The following DGCR2 variants were observed in gnomAD, a reference collection of about 807,000 sequenced individuals.
DGCR2 encodes the protein DiGeorge syndrome critical region gene 2, also known as integral membrane protein DGCR2/IDD.
In DGCR2, 24 loss-of-function variants were observed where a neutral mutation model predicts 51.6. That is an observed-to-expected ratio of 0.47 (90% CI 0.34 to 0.65). The LOEUF is 0.65. Among genes scored for constraint, DGCR2 ranks in the 30% least tolerant of loss-of-function variants. DGCR2 has a pLI of 0.01. For missense variants in DGCR2, 765 were observed against 772.1 expected (o/e 0.99, Z 0.11); for synonymous variants, 340 against 315.4 (o/e 1.08, Z -0.82).
intron 2 of DGCR2, among the ~76,000 whole-genome samples, chr22:19,074,412 G>GA (rs72460718): frequency 0.028 from 3,534 of 124,998 alleles, 68 homozygotes; most frequent in South Asian, 0.059. Flanking sequence ...AGAGCAAGAT[G>GA]AAAAAAAAAA....
intron 5 of DGCR2, among the ~76,000 whole-genome samples, chr22:19,062,256 T>C (rs1291653223): frequency 1.3e-5 from 2 of 152,204 alleles, no homozygotes; most frequent in Non-Finnish European, 2.9e-5. Flanking sequence ...GCATCTGTCC[T>C]GAGCAGGATC....
chr22:19,115,069 G>C (rs807740), intron 1 of DGCR2, among the ~76,000 whole-genome samples: 48,455 of 152,044 alleles, frequency 0.32, 8,709 homozygotes, highest in African/African-American at 0.49. Flanking sequence ...AACAGCTACC[G>C]CAGGCAGAGG....
At chr22:19,106,400 C>T (rs2083261790) in intron 1 of DGCR2, among the ~76,000 whole-genome samples, 2 of 152,172 alleles carry the variant, frequency 1.3e-5, no homozygotes, top group African/African-American at 2.4e-5. Context: ...TGCAGTTTGA[C>T]CTGCCACTGC....
intron 5 of DGCR2, among the ~76,000 whole-genome samples, chr22:19,062,156 T>A (rs1445633948): frequency 6.6e-6 from 1 of 152,200 alleles, no homozygotes; most frequent in Non-Finnish European, 1.5e-5. Context: ...GATTAGTCAA[T>A]AGCAATCTAA....
At chr22:19,051,188 CAAAAAAAA>C (rs61277487) in intron 6 of DGCR2, among the ~76,000 whole-genome samples, 3 of 54,850 alleles carry the variant, frequency 5.5e-5, no homozygotes, top group South Asian at 9.3e-4. Context: ...AATTCTGTCA[CAAAAAAAA>C]AAAAAAAAAA....
chr22:19,108,603 A>AAC (rs2083283883), intron 1 of DGCR2, among the ~76,000 whole-genome samples: 1 of 132,788 alleles, frequency 7.5e-6, no homozygotes. Flanking sequence ...AAAAAAAAAA[A>AAC]AGATGCACAG....
rs1359185993 is a variant in DGCR2 at position 19,048,485 on chromosome 22, G to A, written c.961C>T (p.Arg321Cys). 5.0e-6 allele frequency: 8 copies of A among 1,614,078 alleles called. No homozygotes were observed. The highest frequency in any genetic ancestry group is 6.8e-6 in the Non-Finnish European group (8 of 1,180,040). Residue 321 changes from arginine (R) to cysteine (C), a missense_variant, in exon 7 of 10, where the codon CGC becomes TGC. Transcript: ENST00000263196. ...CERPQGCQQY[R>C]KDPKECCKFM... is the part of the protein sequence containing the mutation. ...TTGCAGCACTCTTTGGGGTCCTTGC[G>A]GTACTGTTGGCAGCCCTGGGGCCTC...
chr22:19,041,377 G>GA lies in DGCR2; in HGVS notation c.1160-84_1160-83insT, dbSNP rs2082430162. ...TGGCTCCTGAGCCCCCCACCCCCAG[G>GA]CTGGGCCTGCCGTCCCTGAGTGCAC... On this transcript the variant is annotated intron_variant, in intron 8 of 9. Coordinates refer to ENST00000263196, the MANE Select transcript of DGCR2 (RefSeq NM_005137.3). 7.1e-6 allele frequency: 10 copies of GA among 1,407,856 alleles called. No individual in the cohort carries two copies. In the Admixed American group the frequency reaches 8.6e-5, roughly 12 times the overall value. The allele number at this position is 1,407,856 out of a possible 1,614,324, so 87.2% of individuals were successfully genotyped here.
intron 1 of DGCR2, among the ~76,000 whole-genome samples, chr22:19,105,093 C>T (rs977322516): frequency 2.0e-5 from 3 of 152,244 alleles, no homozygotes; most frequent in East Asian, 1.9e-4. Flanking sequence ...GAGGCTAAGG[C>T]GGGTGGATCA....
rs1031166142 is a variant in DGCR2, at chr22:19,041,815, C to T, written c.1151G>A (p.Gly384Glu). ...CCTCAGAGGGCACTTACAGTTTGCT[C>T]CAATCAGGGACTCGATGCGCTCCCG... ...RRRERIESLIGANLHHFNLGR... is the reference protein window; with the variant it reads ...RRRERIESLIEANLHHFNLGR... Residue 384 changes from glycine (G) to glutamate (E), a missense_variant, in exon 8 of 10, where the codon GGA becomes GAA. By Grantham distance (98) the Gly-to-Glu change is moderately conservative. Coordinates refer to ENST00000263196, the MANE Select transcript of DGCR2 (RefSeq NM_005137.3). 1.9e-6 allele frequency: 3 copies of T among 1,611,992 alleles called. No individual in the cohort carries two copies. Among genetic ancestry groups the T allele is most frequent in the South Asian group, 1.1e-5 (1 of 90,956 alleles).
intron 2 of DGCR2, among the ~76,000 whole-genome samples, chr22:19,082,070 T>A (rs1368424229): frequency 6.6e-6 from 1 of 151,274 alleles, no homozygotes; most frequent in Non-Finnish European, 1.5e-5. Flanking sequence ...TTTTGTTTTT[T>A]TTTTTTTGAA....
In DGCR2 at chr22:19,038,177, C is replaced by T. The variant is rs891492485; in HGVS notation, c.*688G>A. On this transcript the variant is annotated 3_prime_UTR_variant, in exon 10 of 10. Transcript: ENST00000263196. ...TCAGGCCTCCTGCCACAGAGCTGGG[C>T]TGCAGAGCCCAGATGGAAAGACACA... 6 of 152,480 alleles carry T rather than the reference C, an allele frequency of 3.9e-5. No homozygotes were observed. The highest frequency in any genetic ancestry group is 1.4e-4 in the African/African-American group (6 of 41,474). The allele number at this position is 152,480 out of a possible 1,614,324, so 9.4% of individuals were successfully genotyped here.
At chr22:19,119,052 C>T (rs963758856) in intron 1 of DGCR2, among the ~76,000 whole-genome samples, 1 of 152,166 alleles carries the variant, frequency 6.6e-6, no homozygotes, top group African/African-American at 2.4e-5. Context: ...GGTTCTGTCC[C>T]TCAGACTGGA....
At chr22:19,102,594 C>G (rs1408116916) in intron 1 of DGCR2, among the ~76,000 whole-genome samples, 1 of 151,900 alleles carries the variant, frequency 6.6e-6, no homozygotes, top group Non-Finnish European at 1.5e-5. Context: ...CCCAGCTACT[C>G]AGGAGGCTGA....
rs1287454604 is a variant in DGCR2 at position 19,036,401 on chromosome 22, A to C, written c.*2464T>G. On this transcript the variant is annotated 3_prime_UTR_variant, in exon 10 of 10. Coordinates refer to ENST00000263196, the MANE Select transcript of DGCR2 (RefSeq NM_005137.3). ...ACCCTTAATGAAAACATAAAAAAAC[A>C]GGCATCAAGACAATGTACAGTATCA... 6.6e-6 allele frequency: 1 copy of C among 152,538 alleles called. No homozygotes were observed. Among genetic ancestry groups the C allele is most frequent in the Non-Finnish European group, 1.5e-5 (1 of 68,044 alleles). 9.4% of individuals were successfully genotyped at this position (152,538 alleles called of 1,614,324 possible).
At chr22:19,062,958 C>A (rs1488653091) in intron 5 of DGCR2, among the ~76,000 whole-genome samples, 3 of 152,082 alleles carry the variant, frequency 2.0e-5, no homozygotes, top group Admixed American at 6.6e-5. Flanking sequence ...GGGGGACAAT[C>A]TAGAAAGCTG....
In DGCR2 at chr22:19,122,358, C is replaced by T. The variant is rs1203801569; in HGVS notation, c.-152G>A. ...GAAAGAGCTTCGGCTGGGCCGCGGG[C>T]TGGCGCACACTCTCGGCTGCAACCT... is the stretch of plus-strand genomic sequence containing the variant. On this transcript the variant is annotated 5_prime_UTR_variant, in exon 1 of 10. Coordinates refer to ENST00000263196, the MANE Select transcript of DGCR2 (RefSeq NM_005137.3). 2 of 540,524 alleles carry T rather than the reference C, an allele frequency of 3.7e-6. No homozygotes were observed. Among genetic ancestry groups the T allele is most frequent in the East Asian group, 7.3e-5 (2 of 27,388 alleles). The allele number at this position is 540,524 out of a possible 1,614,324, so 33.5% of individuals were successfully genotyped here.
intron 6 of DGCR2, 87 bp from the exon 7 acceptor site, chr22:19,048,730 C>T: frequency 1.4e-6 from 2 of 1,393,242 alleles, no homozygotes; most frequent in Admixed American, 1.7e-5. Flanking sequence ...AAAAAGGTAG[C>T]CTCCCCGTGT....
At chr22:19,064,246 G>C (rs2082722330) in intron 4 of DGCR2, among the ~76,000 whole-genome samples, 1 of 152,220 alleles carries the variant, frequency 6.6e-6, no homozygotes, top group African/African-American at 2.4e-5. Flanking sequence ...CTGCCCTCCG[G>C]GCTATACCCT....
Sources: allele counts gnomAD v4.1 joint callset (sites outside exome capture counted in the v4.1 genomes callset), GRCh38; gene constraint gnomAD v4.1.1; transcripts MANE v1.5; gene names NCBI Gene and HGNC (gene_info 2026-07-23, HGNC 2026-07-21).